Variants in CAPN8 observed in about 807,000 individuals in gnomAD.
The protein encoded by CAPN8 is calpain-8.
Under a neutral mutation model 80.9 loss-of-function variants are expected in CAPN8, and 87 were observed. That is an observed-to-expected ratio of 1.07 (90% CI 0.90 to 1.28). The LOEUF is 1.28. CAPN8 is among the 50% of genes most tolerant of loss of function. The pLI is 0.00. For missense variants in CAPN8, 757 were observed against 702.0 expected (o/e 1.08, Z -0.89); for synonymous variants, 299 against 273.8 (o/e 1.09, Z -0.91).
intron 2 of CAPN8, among the ~76,000 whole-genome samples, chr1:223,645,284 G>A (rs911956197): frequency 5.3e-5 from 8 of 152,084 alleles, no homozygotes; most frequent in African/African-American, 1.9e-4. Flanking sequence ...TGATTAGATG[G>A]TGCCCACCCA....
At chr1:223,612,997 T>C (rs1350570626) in intron 10 of CAPN8, among the ~76,000 whole-genome samples, 2 of 152,136 alleles carry the variant, frequency 1.3e-5, no homozygotes, top group Non-Finnish European at 2.9e-5. Flanking sequence ...ACTGGAAGTG[T>C]TGACTCCCAT....
chr1:223,558,551 G>A (rs1656955553), intron 12 of CAPN8, among the ~76,000 whole-genome samples: 1 of 152,166 alleles, frequency 6.6e-6, no homozygotes, highest in African/African-American at 2.4e-5. Context: ...CACAGCCCTT[G>A]CAGGTGTGCA....
chr1:223,642,605 T>G, intron 2 of CAPN8: 1 of 354,352 alleles, frequency 2.8e-6, no homozygotes, highest in Non-Finnish European at 5.5e-6. Context: ...CCCCAGAGAG[T>G]TAATGTACTT....
chr1:223,621,370 A>T (rs1316928942), intron 7 of CAPN8, among the ~76,000 whole-genome samples: 2 of 151,712 alleles, frequency 1.3e-5, no homozygotes, highest in Admixed American at 6.6e-5. Flanking sequence ...TTGCATCTCC[A>T]GCTGGTAGGG....
intron 17 of CAPN8, 187 bp downstream of exon 17, chr1:223,545,044 A>ACTTT: frequency 7.2e-7 from 1 of 1,380,730 alleles, no homozygotes; most frequent in Admixed American, 2.4e-5. Context: ...TCTGAACAGC[A>ACTTT]GGGCTTTCAG....
Position 223,625,734 on chromosome 1 carries a change from C to G in CAPN8, c.813+71G>C, listed in dbSNP as rs985197529. The G allele has an allele frequency of 1.4e-5, 19 of 1,357,638 alleles. No homozygotes were observed. The East Asian group carries it at 2.8e-4, about 20-fold the overall frequency. 84.1% of individuals were successfully genotyped at this position (1,357,638 alleles called of 1,614,324 possible). Reference sequence around the variant, plus strand: ...TTCTAGTAGTAATCACCTCTTTCCTCCTGTCGAGATGGCTTGGATTCATGG... The same window carrying G: ...TTCTAGTAGTAATCACCTCTTTCCTGCTGTCGAGATGGCTTGGATTCATGG... On this transcript the variant is annotated intron_variant, in intron 6 of 20. Transcript: ENST00000366872.
At chr1:223,650,317 C>A (rs1260032561) in intron 2 of CAPN8, among the ~76,000 whole-genome samples, 1 of 152,170 alleles carries the variant, frequency 6.6e-6, no homozygotes, top group Non-Finnish European at 1.5e-5. Flanking sequence ...ATGCCCCCTT[C>A]TTTTGGATAG....
chr1:223,554,660 A>G (rs1176236078), intron 13 of CAPN8, among the ~76,000 whole-genome samples: 2 of 152,218 alleles, frequency 1.3e-5, no homozygotes, highest in Non-Finnish European at 2.9e-5. Context: ...TGTTGAGAAC[A>G]TGGCCTAGTA....
intron 8 of CAPN8, 147 bp from the exon 9 acceptor site, chr1:223,619,600 C>T: frequency 1.3e-6 from 1 of 755,884 alleles, no homozygotes; most frequent in South Asian, 1.8e-5. Flanking sequence ...CTGATACAAA[C>T]ACGCAGAGAC....
intron 2 of CAPN8, among the ~76,000 whole-genome samples, chr1:223,653,780 T>G (rs947958954): frequency 6.6e-6 from 1 of 152,158 alleles, no homozygotes; most frequent in Non-Finnish European, 1.5e-5. Flanking sequence ...CTTACAAAAC[T>G]AAATGAAATT....
intron 15 of CAPN8, among the ~76,000 whole-genome samples, 174 bp downstream of exon 15, chr1:223,550,786 T>C (rs1300577112): frequency 1.3e-5 from 2 of 152,086 alleles, no homozygotes; most frequent in Non-Finnish European, 2.9e-5. Context: ...CCCCGTCTTC[T>C]GCCTCTCCTT....
chr1:223,542,987 A>G (rs4072246), intron 20 of CAPN8, 121 bp downstream of exon 20: 252,686 of 1,063,836 alleles, frequency 0.24, 32,274 homozygotes, highest in African/African-American at 0.44. Flanking sequence ...GCCACAGAAC[A>G]TGCATGGTAT....
In CAPN8 at chr1:223,618,711, G is replaced by A. The variant is rs578144865; in HGVS notation, c.1135+582C>T. ...AGAGCAGGGCTAGTGTGGAAAGCAC[G>A]TCCTTTGCGGGCAGGGCAGGTGGGT... is the stretch of plus-strand genomic sequence containing the variant. On this transcript the variant is annotated intron_variant, in intron 9 of 20. Transcript: ENST00000366872. Among the ~76,000 whole-genome samples the A allele has an allele frequency of 1.2e-3, 187 of 152,348 alleles. 1 individual carries two copies. Among genetic ancestry groups the A allele is most frequent in the African/African-American group, 4.0e-3 (168 of 41,574 alleles).
At chr1:223,650,603 A>T (rs2102733052) in intron 2 of CAPN8, among the ~76,000 whole-genome samples, 1 of 152,340 alleles carries the variant, frequency 6.6e-6, no homozygotes, top group South Asian at 2.1e-4. Flanking sequence ...CAACCTGTAG[A>T]TACCAACAGA....
At chr1:223,554,090 G>T (rs1254366300) in intron 13 of CAPN8, among the ~76,000 whole-genome samples, 190 bp from the exon 14 acceptor site, 2 of 152,232 alleles carry the variant, frequency 1.3e-5, no homozygotes, top group Non-Finnish European at 2.9e-5. Context: ...GGAGCTTACA[G>T]TCCAGCAGGG....
chr1:223,642,748 C>A, intron 2 of CAPN8: 2 of 450,590 alleles, frequency 4.4e-6, no homozygotes, highest in Non-Finnish European at 8.9e-6. Flanking sequence ...AAACTCTTCA[C>A]AGCTGAAGAA....
chr1:223,619,148 C>T (rs1284991531), intron 9 of CAPN8, 145 bp downstream of exon 9: 3 of 918,774 alleles, frequency 3.3e-6, no homozygotes, highest in South Asian at 1.8e-5. Flanking sequence ...GAGCAGAGAT[C>T]GTGCCACTAC....
chr1:223,545,196 AGAG>A, intron 17 of CAPN8, 32 bp downstream of exon 17: 1 of 1,551,676 alleles, frequency 6.4e-7, no homozygotes, highest in Non-Finnish European at 8.7e-7. Context: ...GGATTAGAAC[AGAG>A]GAGAGGATGC....
rs190154420 is a variant in CAPN8, at chr1:223,638,644, G to A, written c.308-9864C>T. On this transcript the variant is annotated intron_variant, in intron 2 of 20. Transcript: ENST00000366872. ...AGGACCTTCAGTGCCTCCGGGAATC[G>A]TAGGCAGGGGCTTCTGCTGACACCC... Among the ~76,000 whole-genome samples, 225 of 152,220 alleles carry A rather than the reference G, an allele frequency of 1.5e-3. 2 individuals are homozygous for A. The highest frequency in any genetic ancestry group is 6.8e-3 in the South Asian group (33 of 4,820).
Sources: allele counts gnomAD v4.1 joint callset (sites outside exome capture counted in the v4.1 genomes callset), GRCh38; gene constraint gnomAD v4.1.1; transcripts MANE v1.5; gene names NCBI Gene and HGNC (gene_info 2026-07-23, HGNC 2026-07-21).